The following PADI6 variants were observed in gnomAD, a reference collection of about 807,000 sequenced individuals.
The protein encoded by PADI6 is inactive protein-arginine deiminase type-6.
A neutral mutation model predicts 78.2 loss-of-function variants in PADI6; 66 were observed. The observed-to-expected ratio is 0.84, with a 90% CI of 0.69 to 1.04. The LOEUF (loss-of-function observed/expected upper bound fraction) is 1.04. PADI6 is among the 50% of genes least tolerant of loss of function. PADI6 has a pLI of 0.00. For missense variants in PADI6, 854 were observed against 866.1 expected (o/e 0.99, Z 0.18); for synonymous variants, 397 against 346.9 (o/e 1.14, Z -1.60).
intron 8 of PADI6, 23 bp downstream of exon 8, chr1:17,388,903 G>A (rs756181573): frequency 6.3e-7 from 1 of 1,586,776 alleles, no homozygotes; most frequent in Non-Finnish European, 8.6e-7. Flanking sequence ...CAGGCTGACT[G>A]TGCCAGGCGG....
chr1:17,393,931 G>A, intron 9 of PADI6, 44 bp from the exon 10 acceptor site: 4 of 1,554,840 alleles, frequency 2.6e-6, no homozygotes, highest in Middle Eastern at 1.7e-4. Flanking sequence ...GGGGTCCGGG[G>A]AGATGTGTGA....
rs1263195927 is a variant in PADI6 at position 17,375,463 on chromosome 1, C to G, written c.331C>G (p.Pro111Ala). The change falls in exon 3 of 16, where the codon CCC (proline) becomes GCC (alanine). Residue 111 changes from proline (P) to alanine (A), a missense_variant. Pro to Ala is a conservative substitution (Grantham distance 27, BLOSUM62 -1). Coordinates refer to ENST00000619609, the MANE Select transcript of PADI6 (RefSeq NM_207421.4). ...VTYYGPNEDA[P>A]VGTAVLYLTG... ...ATACTATGGGCCCAACGAGGATGCC[C>G]CCGTGGGCACAGCTGTGCTGTACCT... 6.2e-7 allele frequency: 1 copy of G among 1,610,858 alleles called. No individual in the cohort carries two copies. The highest frequency in any genetic ancestry group is 1.7e-5 in the Admixed American group (1 of 59,660).
intron 4 of PADI6, 28 bp downstream of exon 4, chr1:17,380,015 GA>G: frequency 6.2e-7 from 1 of 1,611,400 alleles, no homozygotes; most frequent in South Asian, 1.1e-5. Flanking sequence ...AGGGGGCAGG[GA>G]AGGGGCCCTA....
At chr1:17,392,268 G>T (rs1290587967) in intron 9 of PADI6, 43 bp downstream of exon 9, 1 of 1,432,364 alleles carries the variant, frequency 7.0e-7, no homozygotes. Context: ...GAGGGGTGGG[G>T]AGACTCAGCA....
intron 6 of PADI6, among the ~76,000 whole-genome samples, chr1:17,384,167 G>A (rs1006406323): frequency 2.6e-5 from 4 of 152,020 alleles, no homozygotes; most frequent in African/African-American, 9.7e-5. Flanking sequence ...AAAAATCAGG[G>A]TAGGGCAACA....
chr1:17,394,279 C>G (rs1373526405), intron 10 of PADI6, 21 bp from the exon 11 acceptor site: 1 of 1,608,962 alleles, frequency 6.2e-7, no homozygotes, highest in Non-Finnish European at 8.5e-7. Context: ...CACCCCTTCC[C>G]TGGCTCGGTC....
rs375717303 is a variant in PADI6, at chr1:17,381,130, G to C, written c.519G>C (p.Glu173Asp). The change falls in exon 5 of 16, where the codon GAG becomes GAC. Residue 173 changes from glutamate to aspartate, a missense_variant. By Grantham distance (45) the Glu-to-Asp change is conservative (BLOSUM62 2). Transcript: ENST00000619609. ...CNPADVGQQLEDKKTKKVIFS... is the reference protein window; with the variant it reads ...CNPADVGQQLDDKKTKKVIFS... Reference sequence around the variant, plus strand: ...CTGCTGATGTGGGCCAGCAACTTGAGGACAAGAAAACCAAGAAAGTGATCT... The same window carrying C: ...CTGCTGATGTGGGCCAGCAACTTGACGACAAGAAAACCAAGAAAGTGATCT... 141 of 1,609,154 alleles carry C rather than the reference G, an allele frequency of 8.8e-5. 1 individual carries two copies. In the Middle Eastern group the frequency reaches 9.9e-4, roughly 11 times the overall value.
At chr1:17,375,994 C>T (rs80187343) in intron 3 of PADI6, among the ~76,000 whole-genome samples, 2,902 of 148,926 alleles carry the variant, frequency 0.019, 164 homozygotes, top group African/African-American at 0.07. Context: ...TCTTTTTTTT[C>T]TGAGATGAGT....
chr1:17,373,503 A>T (rs60558212), intron 2 of PADI6, among the ~76,000 whole-genome samples: 30,913 of 112,534 alleles, frequency 0.27, 3,776 homozygotes, highest in African/African-American at 0.37. Context: ...ATTTATTATT[A>T]TTTTTTTTTT....
Position 17,372,492 on chromosome 1 carries a change from G to A in PADI6, c.116+131G>A, listed in dbSNP as rs1357994858. 4.6e-6 allele frequency: 4 copies of A among 862,504 alleles called. No homozygotes were observed. In the African/African-American group the frequency reaches 6.7e-5, roughly 14 times the overall value. 53.4% of individuals were successfully genotyped at this position (862,504 alleles called of 1,614,324 possible). On this transcript the variant is annotated intron_variant, in intron 1 of 15. Coordinates refer to ENST00000619609, the MANE Select transcript of PADI6 (RefSeq NM_207421.4). ...ATCCTGCCCCATCTTGGGAAGCCTT[G>A]GGTCTCTAGTGGGGGGCCTCCCAGT...
At chr1:17,379,582 C>T (rs1157602633) in intron 3 of PADI6, among the ~76,000 whole-genome samples, 3 of 152,092 alleles carry the variant, frequency 2.0e-5, no homozygotes, top group African/African-American at 4.8e-5. Context: ...TGTCTTGGAG[C>T]ATAAAGCTTT....
In PADI6 at chr1:17,400,239, C is replaced by A. The variant is rs562653399; in HGVS notation, c.1852-966C>A. ...AAAAAAAAAACATTCTGGGGCTGGG[C>A]GTGGTGTCTTACACCTGTAATCCCA... is the stretch of plus-strand genomic sequence containing the variant. On this transcript the variant is annotated intron_variant, in intron 15 of 15. Transcript: ENST00000619609. 3.7e-4 allele frequency among the ~76,000 whole-genome samples: 55 copies of A among 150,224 alleles called. 1 individual carries two copies. The highest frequency in any genetic ancestry group is 1.3e-3 in the Admixed American group (19 of 15,052).
chr1:17,382,855 A>G (rs1249421398), intron 6 of PADI6, among the ~76,000 whole-genome samples: 1 of 152,152 alleles, frequency 6.6e-6, no homozygotes, highest in Non-Finnish European at 1.5e-5. Flanking sequence ...GTGTGATCAC[A>G]GCTCACTGTA....
At chr1:17,388,917 T>C in intron 8 of PADI6, 37 bp downstream of exon 8, 1 of 1,517,658 alleles carries the variant, frequency 6.6e-7, no homozygotes, top group South Asian at 1.1e-5. Context: ...CAGGCGGTTC[T>C]CATAACTGGC....
intron 6 of PADI6, among the ~76,000 whole-genome samples, chr1:17,384,655 T>A (rs959959062): frequency 1.3e-5 from 2 of 151,374 alleles, no homozygotes; most frequent in Non-Finnish European, 3.0e-5. Context: ...GGGAGGATCA[T>A]GTGAACCCGG....
At chr1:17,397,470 G>C (rs1050515026) in intron 14 of PADI6, among the ~76,000 whole-genome samples, 2 of 152,188 alleles carry the variant, frequency 1.3e-5, no homozygotes, top group Non-Finnish European at 2.9e-5. Flanking sequence ...GACAGGGGCA[G>C]GGAGGAGCGC....
intron 2 of PADI6, among the ~76,000 whole-genome samples, chr1:17,374,946 C>T (rs1048298498): frequency 1.2e-4 from 19 of 152,178 alleles, no homozygotes; most frequent in Middle Eastern, 3.4e-3. Flanking sequence ...TGAGTCCCAA[C>T]GCTGCTTCTT....
At position 17,382,004 on chromosome 1, in the gene PADI6, A is replaced by G; in HGVS notation, c.591A>G (p.Gln197=). 6.2e-7 allele frequency: 1 copy of G among 1,613,912 alleles called. No individual in the cohort carries two copies. Among genetic ancestry groups the G allele is most frequent in the East Asian group, 2.2e-5 (1 of 44,874 alleles). ...TNLSQMTLNV[Q]GPSCILKKYR... The stretch of plus-strand genomic sequence containing the variant: ...TGTCCCAGATGACTCTGAATGTCCA[A>G]GGCCCCAGCTGTATCTTAAAGAAAT... Residue 197 remains glutamine, a synonymous_variant, in exon 6 of 16, where the codon CAA becomes CAG. Coordinates refer to ENST00000619609, the MANE Select transcript of PADI6 (RefSeq NM_207421.4).
rs1254466394 is a variant in PADI6, at chr1:17,397,160, G to T, written c.1689+19G>T. The T allele has an allele frequency of 6.2e-7, 1 of 1,613,020 alleles. No individual in the cohort carries two copies. Among genetic ancestry groups the T allele is most frequent in the Admixed American group, 1.7e-5 (1 of 59,960 alleles). ...CGTGGAGGTAGGACCAGTGTGAAGGGGGCCATCCCCAAGAAAGAGCTGGTG... is the reference window on the plus strand; with the variant it reads ...CGTGGAGGTAGGACCAGTGTGAAGGTGGCCATCCCCAAGAAAGAGCTGGTG... On this transcript the variant is annotated intron_variant, in intron 14 of 15. Transcript: ENST00000619609.
Sources: gnomAD v4.1 joint callset for allele counts (sites outside exome capture counted in the v4.1 genomes callset) on GRCh38, gnomAD v4.1.1 for gene constraint, MANE v1.5 for transcripts, NCBI Gene and HGNC (gene_info 2026-07-23, HGNC 2026-07-21) for gene names.